RYR2: variants seen among roughly 807,000 people sequenced by gnomAD.
The protein encoded by RYR2 is cardiac muscle ryanodine receptor-calcium release channel.
A neutral mutation model predicts 601.1 loss-of-function variants in RYR2; 227 were observed. The observed-to-expected ratio is 0.38, with a 90% CI of 0.34 to 0.42. RYR2 has a LOEUF of 0.42. RYR2 is among the 10% of genes least tolerant of loss of function. The pLI, the probability that RYR2 is intolerant of heterozygous loss-of-function variation, is 1.00. For synonymous variants in RYR2, 2,223 were observed against 2,175.1 expected, an observed-to-expected ratio of 1.02 and a Z score of -0.61; for missense variants, 4,646 against 6,156.5, an observed-to-expected ratio of 0.75 and a Z score of 8.21.
At chr1:237,147,342 A>C (rs1323648486) in intron 1 of RYR2, among the ~76,000 whole-genome samples, 1 of 152,170 alleles carries the variant, frequency 6.6e-6, no homozygotes, top group Non-Finnish European at 1.5e-5. Flanking sequence ...TAAGAGGAAA[A>C]GGGTGTGCAC....
At chr1:237,603,725 A>C (rs1478746383) in intron 35 of RYR2, among the ~76,000 whole-genome samples, 1 of 152,202 alleles carries the variant, frequency 6.6e-6, no homozygotes, top group Admixed American at 6.5e-5. Context: ...AAAGGGATGG[A>C]GGAAGATCTA....
intron 17 of RYR2, among the ~76,000 whole-genome samples, chr1:237,470,599 T>C (rs1293033884): frequency 6.6e-6 from 1 of 152,202 alleles, no homozygotes; most frequent in East Asian, 1.9e-4. Context: ...AAGAGTATCA[T>C]AACATGAATG....
In RYR2 at chr1:237,652,291, T is replaced by C. The variant is rs554739180; in HGVS notation, c.7824+790T>C. Reference sequence around the variant, plus strand: ...AAAAATCACTGGTATTTTCTCTAACTTTATTATTCTGTTCAGGATCAAGTC... The same window carrying C: ...AAAAATCACTGGTATTTTCTCTAACCTTATTATTCTGTTCAGGATCAAGTC... On this transcript the variant is annotated intron_variant, in intron 51 of 104. Coordinates refer to ENST00000366574, the MANE Select transcript of RYR2 (RefSeq NM_001035.3). 2.4e-3 allele frequency among the ~76,000 whole-genome samples: 373 copies of C among 152,330 alleles called. 1 individual carries two copies. The highest frequency in any genetic ancestry group is 6.8e-3 in the Middle Eastern group (2 of 294).
At chr1:237,233,708 G>A (rs1365987674) in intron 1 of RYR2, among the ~76,000 whole-genome samples, 1 of 152,088 alleles carries the variant, frequency 6.6e-6, no homozygotes, top group African/African-American at 2.4e-5. Flanking sequence ...AGGCTGGGGT[G>A]CAGTGGTGCG....
At chr1:237,666,459 C>T in intron 56 of RYR2, 53 bp from the exon 57 acceptor site, 1 of 1,469,036 alleles carries the variant, frequency 6.8e-7, no homozygotes, top group Non-Finnish European at 9.4e-7. Context: ...TAAGTTAAGT[C>T]TCTCTTCACA....
intron 8 of RYR2, among the ~76,000 whole-genome samples, chr1:237,378,697 T>A (rs1572050875): frequency 6.6e-6 from 1 of 152,220 alleles, no homozygotes; most frequent in Admixed American, 6.5e-5. Flanking sequence ...GATACCCCCT[T>A]TGTTCTATAA....
intron 1 of RYR2, among the ~76,000 whole-genome samples, chr1:237,245,519 A>C (rs1423699491): frequency 6.6e-6 from 1 of 152,028 alleles, no homozygotes; most frequent in Non-Finnish European, 1.5e-5. Flanking sequence ...AAATAGAGGG[A>C]GGTTAGAGCT....
chr1:237,557,327 CT>C (rs1559023188), intron 27 of RYR2, among the ~76,000 whole-genome samples: 1 of 152,166 alleles, frequency 6.6e-6, no homozygotes, highest in Non-Finnish European at 1.5e-5. Context: ...GAAGCCCACA[CT>C]TTTTGAATGG....
At chr1:237,054,209 C>T (rs181877806) in intron 1 of RYR2, among the ~76,000 whole-genome samples, 2,099 of 149,366 alleles carry the variant, frequency 0.014, 51 homozygotes, top group African/African-American at 0.049. Flanking sequence ...TCTTTCCTCC[C>T]TTCCTTCCTT....
At chr1:237,177,893 A>G (rs781402461) in intron 1 of RYR2, among the ~76,000 whole-genome samples, 6 of 152,214 alleles carry the variant, frequency 3.9e-5, no homozygotes, top group Non-Finnish European at 2.9e-5. Flanking sequence ...AGAAACATAT[A>G]TAAATTTCTT....
intron 23 of RYR2, among the ~76,000 whole-genome samples, chr1:237,509,497 T>G (rs1665662258): frequency 6.6e-6 from 1 of 152,230 alleles, no homozygotes; most frequent in Admixed American, 6.5e-5. Context: ...TTATCGTTAC[T>G]TTGGGATATA....
At chr1:237,702,555 A>G (rs2149040460) in intron 66 of RYR2, among the ~76,000 whole-genome samples, 1 of 152,276 alleles carries the variant, frequency 6.6e-6, no homozygotes, top group East Asian at 1.9e-4. Flanking sequence ...GAACCAGAGA[A>G]GAAAAACAGG....
intron 14 of RYR2, 146 bp downstream of exon 14, chr1:237,445,668 A>T (rs1193266904): frequency 3.1e-6 from 3 of 957,016 alleles, no homozygotes; most frequent in East Asian, 2.6e-5. Context: ...GGAAGTGTTA[A>T]TGAGATGATT....
chr1:237,044,343 A>C (rs1225576469), intron 1 of RYR2, among the ~76,000 whole-genome samples: 3 of 152,204 alleles, frequency 2.0e-5, no homozygotes, highest in Non-Finnish European at 4.4e-5. Flanking sequence ...GGTAGGCTTC[A>C]TGCACTCAAG....
At chr1:237,472,751 C>T (rs1293740529) in intron 17 of RYR2, among the ~76,000 whole-genome samples, 4 of 151,380 alleles carry the variant, frequency 2.6e-5, no homozygotes, top group Admixed American at 6.6e-5. Context: ...GGCAAAAACC[C>T]TGTGTAATAT....
chr1:237,616,310 C>G (rs1388692135), intron 37 of RYR2, among the ~76,000 whole-genome samples: 2 of 152,172 alleles, frequency 1.3e-5, no homozygotes, highest in Non-Finnish European at 2.9e-5. Context: ...AGCATTCTCT[C>G]TTAGAAATGT....
chr1:237,523,235 A>C (rs1258528883), intron 24 of RYR2, among the ~76,000 whole-genome samples: 1 of 152,188 alleles, frequency 6.6e-6, no homozygotes, highest in Non-Finnish European at 1.5e-5. Context: ...GAGTTAATTA[A>C]AAGTAAAACT....
intron 63 of RYR2, among the ~76,000 whole-genome samples, chr1:237,693,437 T>C: frequency 6.6e-6 from 1 of 152,168 alleles, no homozygotes; most frequent in African/African-American, 2.4e-5. Flanking sequence ...TTTAACATCC[T>C]AGTGAGACAT....
At chr1:237,383,022 G>A (rs1310579741) in intron 8 of RYR2, among the ~76,000 whole-genome samples, 1 of 151,250 alleles carries the variant, frequency 6.6e-6, no homozygotes, top group Non-Finnish European at 1.5e-5. Context: ...GCATCACCAG[G>A]GCCGAAGTAC....
Sources: allele counts gnomAD v4.1 joint callset (sites outside exome capture counted in the v4.1 genomes callset), GRCh38; gene constraint gnomAD v4.1.1; transcripts MANE v1.5; gene names NCBI Gene and HGNC (gene_info 2026-07-23, HGNC 2026-07-21).